The following GPR149 variants were observed in gnomAD, a reference collection of about 807,000 sequenced individuals.
The protein encoded by GPR149 is G protein-coupled receptor 149.
In GPR149, 50 loss-of-function variants were observed where a neutral mutation model predicts 50.2. The observed-to-expected ratio is 1.00, with a 90% CI of 0.79 to 1.26. The LOEUF is 1.26. Among genes scored for constraint, GPR149 ranks in the 50% most tolerant of loss-of-function variants. The probability of loss-of-function intolerance (pLI) is 0.00; values close to 1 mark genes in which losing one functional copy is unlikely to be tolerated. For synonymous variants in GPR149, 405 were observed against 358.2 expected, an observed-to-expected ratio of 1.13 and a Z score of -1.48; for missense variants, 983 against 895.4, an observed-to-expected ratio of 1.10 and a Z score of -1.25.
rs144404702 is a variant in GPR149 at position 154,342,344 on chromosome 3, G to A, written c.1624-4073C>T. 4.0e-4 allele frequency among the ~76,000 whole-genome samples: 61 copies of A among 152,268 alleles called. No homozygotes were observed. The East Asian group carries it at 0.01, about 26-fold the overall frequency. On this transcript the variant is annotated intron_variant, in intron 3 of 3. Transcript: ENST00000389740. ...GCAGAAAAATGGAAAAGGGAAGTGGGCAAAACAATTAAAGAAAAATGGAGA... is the reference window on the plus strand; with the variant it reads ...GCAGAAAAATGGAAAAGGGAAGTGGACAAAACAATTAAAGAAAAATGGAGA...
At chr3:154,361,459 G>A (rs1439271263) in intron 3 of GPR149, among the ~76,000 whole-genome samples, 1 of 152,068 alleles carries the variant, frequency 6.6e-6, no homozygotes, top group African/African-American at 2.4e-5. Context: ...TTCAATTGAT[G>A]GAATTACTAA....
chr3:154,343,810 C>T (rs1394793331), intron 3 of GPR149, among the ~76,000 whole-genome samples: 1 of 151,930 alleles, frequency 6.6e-6, no homozygotes, highest in East Asian at 1.9e-4. Context: ...GACCCTGTCT[C>T]TAAAAAAATT....
At chr3:154,360,999 T>C (rs1385899366) in intron 3 of GPR149, among the ~76,000 whole-genome samples, 2 of 152,200 alleles carry the variant, frequency 1.3e-5, no homozygotes, top group South Asian at 2.1e-4. Context: ...CTTCCACTTT[T>C]AAGTATTCTT....
chr3:154,406,401 C>CT (rs1711686268), intron 3 of GPR149, among the ~76,000 whole-genome samples: 1 of 152,176 alleles, frequency 6.6e-6, no homozygotes. Context: ...CCGAGAAACT[C>CT]TAATTCTAAG....
chr3:154,338,068 C>T lies in GPR149; in HGVS notation c.1827G>A (p.Thr609=), dbSNP rs369551409. ...HEPNSEDSSS[T]FVDTSVKIHL... is the part of the protein sequence containing the mutation. ...GTATTTTCACACTGGTGTCCACAAA[C>T]GTGGATGAAGAATCTTCTGAGTTTG... Residue 609 remains threonine, a synonymous_variant, in exon 4 of 4, where the codon ACG becomes ACA. Coordinates refer to ENST00000389740, the MANE Select transcript of GPR149 (RefSeq NM_001038705.3). The T allele has an allele frequency of 1.2e-5, 20 of 1,614,048 alleles. No individual in the cohort carries two copies. The African/African-American group carries it at 1.3e-4, about 11-fold the overall frequency.
chr3:154,344,538 G>C (rs1340026457), intron 3 of GPR149, among the ~76,000 whole-genome samples: 2 of 152,132 alleles, frequency 1.3e-5, no homozygotes, highest in African/African-American at 4.8e-5. Flanking sequence ...TTTGGAAATA[G>C]GGTTTTTGCA....
chr3:154,423,401 A>G (rs1490997609), intron 2 of GPR149, among the ~76,000 whole-genome samples: 1 of 151,906 alleles, frequency 6.6e-6, no homozygotes, highest in Non-Finnish European at 1.5e-5. Flanking sequence ...TTTATTTGAA[A>G]TTGTTTTCTT....
intron 3 of GPR149, among the ~76,000 whole-genome samples, chr3:154,410,693 CTATTACTACTAGACCT>C (rs1711810020): frequency 6.6e-6 from 1 of 152,102 alleles, no homozygotes; most frequent in Non-Finnish European, 1.5e-5. Context: ...ATTTATAAAA[CTATTACTACTAGACCT>C]AAGAAATGAG....
intron 3 of GPR149, among the ~76,000 whole-genome samples, chr3:154,387,076 C>A (rs962928850): frequency 1.3e-5 from 2 of 152,002 alleles, no homozygotes; most frequent in South Asian, 2.1e-4. Flanking sequence ...TAAAACAATA[C>A]CTATCATGAC....
rs1712436317 is a variant in GPR149, at chr3:154,429,833, AAC to A, written c.-220_-219del. ...TCCATTTCAAGCATAAAAAAAAAAA[AAC>A]CCGAACAGATAACTTTTCAACATTC... is the stretch of plus-strand genomic sequence containing the variant. On this transcript the variant is annotated 5_prime_UTR_variant, in exon 1 of 4. It introduces an in-frame stop codon into an upstream open reading frame of the 5' UTR. Coordinates refer to ENST00000389740, the MANE Select transcript of GPR149 (RefSeq NM_001038705.3). 5.0e-6 allele frequency: 2 copies of A among 400,718 alleles called. No homozygotes were observed. Among genetic ancestry groups the A allele is most frequent in the Non-Finnish European group, 8.8e-6 (2 of 227,948 alleles). The allele number at this position is 400,718 out of a possible 1,614,324, so 24.8% of individuals were successfully genotyped here.
chr3:154,392,130 T>C (rs1469625476), intron 3 of GPR149, among the ~76,000 whole-genome samples: 4 of 151,602 alleles, frequency 2.6e-5, no homozygotes, highest in Admixed American at 2.6e-4. Flanking sequence ...GGAAACAGGA[T>C]CTGAACAACA....
At chr3:154,338,663 A>C (rs997390904) in intron 3 of GPR149, among the ~76,000 whole-genome samples, 3 of 152,150 alleles carry the variant, frequency 2.0e-5, no homozygotes, top group African/African-American at 7.2e-5. Context: ...ACGTTTGCAA[A>C]AGTTGGAAGA....
At chr3:154,427,825 G>A (rs1712351044) in intron 1 of GPR149, 117 bp from the exon 2 acceptor site, 2 of 954,734 alleles carry the variant, frequency 2.1e-6, no homozygotes, top group Non-Finnish European at 3.1e-6. Context: ...GATGGACAGC[G>A]GGGACCTCTG....
At chr3:154,365,910 A>T (rs965152220) in intron 3 of GPR149, among the ~76,000 whole-genome samples, 1 of 152,120 alleles carries the variant, frequency 6.6e-6, no homozygotes, top group Admixed American at 6.6e-5. Flanking sequence ...CTCTTCTGAG[A>T]CCTCACCAGA....
At chr3:154,388,592 A>G (rs1019204138) in intron 3 of GPR149, among the ~76,000 whole-genome samples, 27 of 152,270 alleles carry the variant, frequency 1.8e-4, no homozygotes, top group African/African-American at 5.8e-4. Flanking sequence ...GCATTCAGAA[A>G]GCATAGTCCT....
chr3:154,358,988 A>T (rs1714316025), intron 3 of GPR149, among the ~76,000 whole-genome samples: 1 of 152,202 alleles, frequency 6.6e-6, no homozygotes, highest in Non-Finnish European at 1.5e-5. Context: ...CTTAGGTCAT[A>T]GAAAATTAAG....
chr3:154,338,306 C>G lies in GPR149; in HGVS notation c.1624-35G>C, dbSNP rs750741140. 3 of 1,472,056 alleles carry G rather than the reference C, an allele frequency of 2.0e-6. No individual in the cohort carries two copies. The Admixed American group carries it at 6.7e-5, about 33-fold the overall frequency. 91.2% of individuals were successfully genotyped at this position (1,472,056 alleles called of 1,614,324 possible). ...AAAACAAAATTGTTATTGTTGAAAG[C>G]TAGGTTCTGAGGTTGAGACATTTAG... On this transcript the variant is annotated intron_variant, in intron 3 of 3. Transcript: ENST00000389740.
intron 3 of GPR149, among the ~76,000 whole-genome samples, chr3:154,386,292 T>C (rs1350843963): frequency 6.6e-6 from 1 of 152,150 alleles, no homozygotes; most frequent in East Asian, 1.9e-4. Context: ...CCTGCAATTA[T>C]AACTTACACA....
intron 1 of GPR149, among the ~76,000 whole-genome samples, chr3:154,428,350 T>C (rs914366121): frequency 2.6e-5 from 4 of 152,192 alleles, no homozygotes; most frequent in African/African-American, 4.8e-5. Flanking sequence ...ACAATATCCT[T>C]GGCCACCACC....
Sources: gnomAD v4.1 joint callset for allele counts (sites outside exome capture counted in the v4.1 genomes callset) on GRCh38, gnomAD v4.1.1 for gene constraint, MANE v1.5 for transcripts, NCBI Gene and HGNC (gene_info 2026-07-23, HGNC 2026-07-21) for gene names.